RAB4A: variants seen among roughly 807,000 people sequenced by gnomAD.
The protein encoded by RAB4A is ras-related protein Rab-4A.
A neutral mutation model predicts 34.5 loss-of-function variants in RAB4A; 20 were observed. That is an observed-to-expected ratio of 0.58 (90% CI 0.41 to 0.84). The LOEUF is 0.84. Among genes scored for constraint, RAB4A ranks in the 40% least tolerant of loss-of-function variants. The pLI is 0.00. For missense variants in RAB4A, 228 were observed against 274.5 expected (o/e 0.83, Z 1.20); for synonymous variants, 102 against 100.0 (o/e 1.02, Z -0.12).
At chr1:229,285,066 A>G (rs1472045239) in intron 1 of RAB4A, among the ~76,000 whole-genome samples, 1 of 152,206 alleles carries the variant, frequency 6.6e-6, no homozygotes, top group Non-Finnish European at 1.5e-5. Context: ...GTGTGGTGGC[A>G]CGATTCTAAC....
intron 3 of RAB4A, among the ~76,000 whole-genome samples, chr1:229,289,930 A>G (rs1657024603): frequency 6.6e-6 from 1 of 152,196 alleles, no homozygotes; most frequent in Non-Finnish European, 1.5e-5. Flanking sequence ...TCAATTAGAC[A>G]TTTATGTCTT....
At chr1:229,299,566 T>C (rs1657329970) in intron 6 of RAB4A, among the ~76,000 whole-genome samples, 1 of 152,206 alleles carries the variant, frequency 6.6e-6, no homozygotes, top group Non-Finnish European at 1.5e-5. Flanking sequence ...AATTATAAAA[T>C]GCCTCATTTT....
Position 229,296,023 on chromosome 1 carries a change from G to C in RAB4A, c.290+113G>C, listed in dbSNP as rs537205920. ...GTGCTTTGTGTGTCCAGGGACGGTG[G>C]TGTGGCTGGCATCCAGGAAGCCCCT... On this transcript the variant is annotated intron_variant, in intron 4 of 7. Transcript: ENST00000366690. The C allele has an allele frequency of 2.7e-6, 3 of 1,093,088 alleles. No homozygotes were observed. The African/African-American group carries it at 4.7e-5, about 17-fold the overall frequency. The allele number at this position is 1,093,088 out of a possible 1,614,324, so 67.7% of individuals were successfully genotyped here.
At chr1:229,286,063 C>G (rs1050892145) in intron 1 of RAB4A, among the ~76,000 whole-genome samples, 1 of 152,150 alleles carries the variant, frequency 6.6e-6, no homozygotes. Flanking sequence ...TCCCTTTTCC[C>G]CTGCTTTTTA....
At chr1:229,295,554 G>T (rs577271917) in intron 3 of RAB4A, among the ~76,000 whole-genome samples, 1 of 152,284 alleles carries the variant, frequency 6.6e-6, no homozygotes, top group South Asian at 2.1e-4. Context: ...GTCCATCTAG[G>T]GGGTGGTGCT....
intron 3 of RAB4A, 177 bp downstream of exon 3, chr1:229,289,020 C>G (rs1412877070): frequency 1.7e-6 from 1 of 576,784 alleles, no homozygotes. Flanking sequence ...TAGGTTAGCT[C>G]TCTGCAGCAT....
At chr1:229,303,375 AAGG>A (rs558606203) in intron 7 of RAB4A, among the ~76,000 whole-genome samples, 24 of 151,580 alleles carry the variant, frequency 1.6e-4, no homozygotes, top group Admixed American at 1.6e-3. Flanking sequence ...AAAAAAAGAG[AAGG>A]AGAAGAACCC....
rs1296010082 is a variant in RAB4A, at chr1:229,304,311, A to G, written c.*518A>G. The G allele has an allele frequency of 6.6e-6, 1 of 152,158 alleles. No homozygotes were observed. The highest frequency in any genetic ancestry group is 6.5e-5 in the Admixed American group (1 of 15,284). The allele number at this position is 152,158 out of a possible 1,614,324, so 9.4% of individuals were successfully genotyped here. On this transcript the variant is annotated 3_prime_UTR_variant, in exon 8 of 8. Transcript: ENST00000366690. ...TTTCTTATTTAACTCCGTTTACTAC[A>G]TTCTACATGGTGTTTACGTGATCCA...
rs58013219 is a variant in RAB4A, at chr1:229,302,257, TTATATATATATA to T, written c.542-563_542-552del. Among the ~76,000 whole-genome samples the T allele has an allele frequency of 3.8e-3, 169 of 44,306 alleles. 2 individuals carry two copies. Among genetic ancestry groups the T allele is most frequent in the East Asian group, 7.0e-3 (9 of 1,280 alleles). The allele number at this position is 44,306 out of a possible 152,430, so 29.1% of individuals were successfully genotyped here. Reference sequence around the variant, plus strand: ...TTATAAGTAATGTTACAGTAAATAATTATATATATATATATATATATATATATATATATATAT... The same window carrying T: ...TTATAAGTAATGTTACAGTAAATAATTATATATATATATATATATATATAT... On this transcript the variant is annotated intron_variant, in intron 6 of 7. Transcript: ENST00000366690.
At chr1:229,274,352 A>G (rs1656584102) in intron 1 of RAB4A, among the ~76,000 whole-genome samples, 1 of 152,016 alleles carries the variant, frequency 6.6e-6, no homozygotes, top group Admixed American at 6.5e-5. Flanking sequence ...GGCATGAGCC[A>G]CTGTGCCCTG....
chr1:229,288,125 ATTGGAGGGTGTATTGTTTTGGGGTTTG>A (rs1435711214), intron 2 of RAB4A, among the ~76,000 whole-genome samples: 1 of 151,986 alleles, frequency 6.6e-6, no homozygotes, highest in African/African-American at 2.4e-5. Context: ...TTTGGGGTTT[ATTGGAGGGTGTATTGTTTTGGGGTTTG>A]TTGGAGGGTG....
At chr1:229,295,734 T>G (rs1657235103) in intron 3 of RAB4A, 114 bp from the exon 4 acceptor site, 1 of 893,974 alleles carries the variant, frequency 1.1e-6, no homozygotes, top group East Asian at 2.5e-5. Context: ...TTTAAACCAG[T>G]GTCTGTCCCT....
intron 6 of RAB4A, among the ~76,000 whole-genome samples, chr1:229,301,760 A>G (rs1345648834): frequency 6.6e-6 from 1 of 152,114 alleles, no homozygotes; most frequent in Non-Finnish European, 1.5e-5. Context: ...CTTTTTTTAT[A>G]TAAAATGTAT....
At chr1:229,286,617 TCTCA>T in intron 2 of RAB4A, 51 bp downstream of exon 2, 4 of 1,152,988 alleles carry the variant, frequency 3.5e-6, no homozygotes, top group Admixed American at 5.3e-5. Flanking sequence ...CTGAGAGCCC[TCTCA>T]CTCAGATTTG....
chr1:229,303,222 G>A (rs563167712), intron 7 of RAB4A, among the ~76,000 whole-genome samples: 1 of 152,106 alleles, frequency 6.6e-6, no homozygotes, highest in African/African-American at 2.4e-5. Context: ...AATTAGCCAG[G>A]CGTGGTGGCG....
chr1:229,295,292 CAT>C (rs1417051544), intron 3 of RAB4A, among the ~76,000 whole-genome samples: 1 of 152,092 alleles, frequency 6.6e-6, no homozygotes, highest in Admixed American at 6.5e-5. Flanking sequence ...TAGGGGAAAA[CAT>C]GTATGACCAA....
Position 229,271,234 on chromosome 1 carries a change from C to T in RAB4A, c.-106C>T. ...GTTGCCGTGGGGACCGGTCGGGCCC[C>T]TCCCTCCTCCGGTCCCCCGCCCCAG... is the stretch of plus-strand genomic sequence containing the variant. On this transcript the variant is annotated 5_prime_UTR_variant, in exon 1 of 8. Coordinates refer to ENST00000366690, the MANE Select transcript of RAB4A (RefSeq NM_004578.4). 7 of 1,161,904 alleles carry T rather than the reference C, an allele frequency of 6.0e-6. No homozygotes were observed. The highest frequency in any genetic ancestry group is 7.6e-6 in the Non-Finnish European group (7 of 917,628). 72.0% of individuals were successfully genotyped at this position (1,161,904 alleles called of 1,614,324 possible).
chr1:229,286,624 C>A (rs1355981546), intron 2 of RAB4A, 58 bp downstream of exon 2: 1 of 1,112,336 alleles, frequency 9.0e-7, no homozygotes, highest in East Asian at 2.6e-5. Flanking sequence ...CCCTCTCACT[C>A]AGATTTGTTT....
At position 229,271,184 on chromosome 1, in the gene RAB4A, G is replaced by C; in HGVS notation, c.-156G>C. The C allele has an allele frequency of 1.5e-6, 1 of 684,222 alleles. No homozygotes were observed. The highest frequency in any genetic ancestry group is 2.0e-6 in the Non-Finnish European group (1 of 493,858). 42.4% of individuals were successfully genotyped at this position (684,222 alleles called of 1,614,324 possible). On this transcript the variant is annotated 5_prime_UTR_variant, in exon 1 of 8. Transcript: ENST00000366690. ...CCTGCGCGGAGCTGGAGTCCGGCTG[G>C]GCCGCAGCCGCTGGGAGACCGGCGG...
Sources: gnomAD v4.1 joint callset for allele counts (sites outside exome capture counted in the v4.1 genomes callset) on GRCh38, gnomAD v4.1.1 for gene constraint, MANE v1.5 for transcripts, NCBI Gene and HGNC (gene_info 2026-07-23, HGNC 2026-07-21) for gene names.